Variants in HCN1 observed in about 807,000 individuals in gnomAD.
HCN1 encodes hyperpolarization activated cyclic nucleotide gated potassium channel 1.
In HCN1, 13 loss-of-function variants were observed where a neutral mutation model predicts 78.9. The observed-to-expected ratio is 0.16, with a 90% CI of 0.11 to 0.26. The LOEUF is 0.26. HCN1 is among the 10% of genes least tolerant of loss of function. The probability of loss-of-function intolerance (pLI) is 1.00; values close to 1 mark genes in which losing one functional copy is unlikely to be tolerated. For missense variants in HCN1, 810 were observed against 1,154.3 expected (o/e 0.70, Z 4.32); for synonymous variants, 552 against 455.5 (o/e 1.21, Z -2.70).
chr5:45,389,764 T>A (rs957131683), intron 4 of HCN1, among the ~76,000 whole-genome samples: 1 of 152,196 alleles, frequency 6.6e-6, no homozygotes, highest in Non-Finnish European at 1.5e-5. Flanking sequence ...CTGCTTAACA[T>A]ATTTGTATTA....
chr5:45,281,579 CT>C (rs751307473), intron 6 of HCN1, among the ~76,000 whole-genome samples: 482 of 81,628 alleles, frequency 5.9e-3, no homozygotes, highest in Non-Finnish European at 7.3e-3. Flanking sequence ...CTCTTCTCTT[CT>C]TTTTTTTTTT....
intron 2 of HCN1, among the ~76,000 whole-genome samples, chr5:45,547,925 C>T (rs1254536048): frequency 1.3e-5 from 2 of 151,902 alleles, no homozygotes; most frequent in African/African-American, 2.4e-5. Context: ...CTATTAATCA[C>T]CTATTCGTAT....
At chr5:45,309,248 C>T (rs1042673119) in intron 5 of HCN1, among the ~76,000 whole-genome samples, 2 of 152,128 alleles carry the variant, frequency 1.3e-5, no homozygotes, top group Admixed American at 6.6e-5. Flanking sequence ...AGTTGCTTAT[C>T]AGCTGAGGAA....
chr5:45,413,037 G>A (rs1025933508), intron 3 of HCN1, among the ~76,000 whole-genome samples: 1 of 151,912 alleles, frequency 6.6e-6, no homozygotes, highest in Non-Finnish European at 1.5e-5. Context: ...TGATTCAAAG[G>A]GTTCTTTTTA....
At chr5:45,565,132 C>T (rs1019351077) in intron 2 of HCN1, among the ~76,000 whole-genome samples, 9 of 152,174 alleles carry the variant, frequency 5.9e-5, no homozygotes, top group Non-Finnish European at 1.0e-4. Flanking sequence ...GACCAATAAA[C>T]TCATGAGTAA....
intron 3 of HCN1, among the ~76,000 whole-genome samples, chr5:45,419,748 G>A (rs1016526069): frequency 3.3e-5 from 5 of 152,128 alleles, no homozygotes; most frequent in Admixed American, 1.3e-4. Flanking sequence ...CCTGTTGAAG[G>A]TCACTACTCC....
chr5:45,286,031 TAA>T (rs1745263040), intron 6 of HCN1, among the ~76,000 whole-genome samples: 1 of 151,860 alleles, frequency 6.6e-6, no homozygotes, highest in Non-Finnish European at 1.5e-5. Context: ...AAAAAAAAAC[TAA>T]GTTTCTAAGA....
chr5:45,287,705 C>G (rs938015258), intron 6 of HCN1, among the ~76,000 whole-genome samples: 1 of 152,048 alleles, frequency 6.6e-6, no homozygotes, highest in Admixed American at 6.6e-5. Context: ...TCCCCACCAT[C>G]AGACACACAC....
At chr5:45,317,471 A>G (rs1390055736) in intron 5 of HCN1, among the ~76,000 whole-genome samples, 2 of 152,350 alleles carry the variant, frequency 1.3e-5, no homozygotes, top group East Asian at 3.9e-4. Flanking sequence ...CTAGAAGAAG[A>G]CCTAGGCAAT....
At chr5:45,343,175 A>T (rs1003440924) in intron 5 of HCN1, among the ~76,000 whole-genome samples, 1 of 152,202 alleles carries the variant, frequency 6.6e-6, no homozygotes, top group Non-Finnish European at 1.5e-5. Context: ...TGCAACAGAC[A>T]TGACAGTGGG....
At chr5:45,594,626 TA>T (rs1422912002) in intron 2 of HCN1, among the ~76,000 whole-genome samples, 1 of 152,134 alleles carries the variant, frequency 6.6e-6, no homozygotes, top group Non-Finnish European at 1.5e-5. Flanking sequence ...TTATCACAAA[TA>T]AAAAAATTCA....
At chr5:45,540,341 TGAGA>T (rs960062196) in intron 2 of HCN1, among the ~76,000 whole-genome samples, 5 of 143,458 alleles carry the variant, frequency 3.5e-5, no homozygotes, top group South Asian at 2.2e-4. Flanking sequence ...TTTTTTTTTT[TGAGA>T]GAGAGAGAGT....
At chr5:45,326,090 T>C (rs1361195409) in intron 5 of HCN1, among the ~76,000 whole-genome samples, 1 of 151,596 alleles carries the variant, frequency 6.6e-6, no homozygotes, top group Non-Finnish European at 1.5e-5. Flanking sequence ...TACCAAACTG[T>C]ATTTTTAAAG....
chr5:45,488,979 T>A (rs77060736), intron 2 of HCN1, among the ~76,000 whole-genome samples: 2,071 of 152,256 alleles, frequency 0.014, 46 homozygotes, highest in African/African-American at 0.047. Context: ...AAACAGTTGC[T>A]GAATGCCTGC....
chr5:45,543,962 A>C (rs986648970), intron 2 of HCN1, among the ~76,000 whole-genome samples: 1 of 152,144 alleles, frequency 6.6e-6, no homozygotes, highest in Non-Finnish European at 1.5e-5. Context: ...AGTTGTAAAG[A>C]GATTAAGAGA....
intron 1 of HCN1, among the ~76,000 whole-genome samples, chr5:45,682,602 C>G (rs1221390312): frequency 2.0e-5 from 3 of 151,482 alleles, no homozygotes; most frequent in Non-Finnish European, 4.4e-5. Flanking sequence ...GCTTTGGGAG[C>G]CTGGGAGTGC....
intron 2 of HCN1, among the ~76,000 whole-genome samples, chr5:45,519,162 GAAC>G (rs766575083): frequency 1.3e-5 from 2 of 151,718 alleles, no homozygotes; most frequent in Admixed American, 6.6e-5. Flanking sequence ...GCTTACATTT[GAAC>G]AACAACAACA....
chr5:45,639,742 G>T (rs992429211), intron 2 of HCN1, among the ~76,000 whole-genome samples: 2 of 152,012 alleles, frequency 1.3e-5, no homozygotes, highest in African/African-American at 4.8e-5. Context: ...GTTTGACACC[G>T]ACTGCATACA....
chr5:45,414,904 C>T (rs1438877171), intron 3 of HCN1, among the ~76,000 whole-genome samples: 3 of 151,960 alleles, frequency 2.0e-5, no homozygotes, highest in African/African-American at 7.2e-5. Flanking sequence ...AATAACTATG[C>T]TTGTCTTTTG....
Sources: allele counts gnomAD v4.1 joint callset (sites outside exome capture counted in the v4.1 genomes callset), GRCh38; gene constraint gnomAD v4.1.1; transcripts MANE v1.5; gene names NCBI Gene and HGNC (gene_info 2026-07-23, HGNC 2026-07-21).